MPI: variants seen among roughly 807,000 people sequenced by gnomAD.
The protein encoded by MPI is mannose phosphate isomerase, also known as mannose-6-phosphate isomerase.
A neutral mutation model predicts 40.1 loss-of-function variants in MPI; 33 were observed. The observed-to-expected ratio is 0.82, with a 90% CI of 0.62 to 1.10. The LOEUF (loss-of-function observed/expected upper bound fraction) is 1.10, where lower values mean the gene tolerates loss of function less well. MPI is among the 50% of genes least tolerant of loss of function. The pLI is 0.00. For missense variants in MPI, 514 were observed against 524.1 expected, an observed-to-expected ratio of 0.98 and a Z score of 0.19; for synonymous variants, 187 against 207.4, an observed-to-expected ratio of 0.90 and a Z score of 0.85.
rs2064742225 is a variant in MPI, at chr15:74,892,532, C to T, written c.346-129C>T. On this transcript the variant is annotated intron_variant, in intron 3 of 7. Coordinates refer to ENST00000352410, the MANE Select transcript of MPI (RefSeq NM_002435.3). ...CAACATGCTTTGACTGGGCTCCTTG[C>T]CAGAGGTAGGTAGTCACTGCCATCC... is the stretch of plus-strand genomic sequence containing the variant. 7.3e-6 allele frequency: 10 copies of T among 1,364,054 alleles called. No homozygotes were observed. In the South Asian group the frequency reaches 9.7e-5, roughly 13 times the overall value. 84.5% of individuals were successfully genotyped at this position (1,364,054 alleles called of 1,614,324 possible).
At chr15:74,891,672 T>C (rs2064729476) in intron 3 of MPI, 93 bp downstream of exon 3, 2 of 1,422,276 alleles carry the variant, frequency 1.4e-6, no homozygotes, top group South Asian at 2.3e-5. Context: ...ACCCCACCCA[T>C]GCCAGGCTCC....
In MPI at chr15:74,901,287, A is replaced by T. The variant is rs1010377577; in HGVS notation, c.*3557A>T. 4 of 152,414 alleles carry T rather than the reference A, an allele frequency of 2.6e-5. No homozygotes were observed. The highest frequency in any genetic ancestry group is 9.7e-5 in the African/African-American group (4 of 41,442). 9.4% of individuals were successfully genotyped at this position (152,414 alleles called of 1,614,324 possible). ...TCCAACAAAACAAAGCAGAACGCTC[A>T]CCATGGTTCTGAGTTAAGCCAAAAA... On this transcript the variant is annotated 3_prime_UTR_variant, in exon 8 of 8. Coordinates refer to ENST00000352410, the MANE Select transcript of MPI (RefSeq NM_002435.3).
At chr15:74,895,561 CCAGCCTG>C in intron 5 of MPI, 1 of 158,092 alleles carries the variant, frequency 6.3e-6, no homozygotes, top group Admixed American at 6.1e-5. Context: ...CCACTGCACT[CCAGCCTG>C]GGTGACAGCG....
intron 3 of MPI, 110 bp from the exon 4 acceptor site, chr15:74,892,551 G>T: frequency 6.7e-7 from 1 of 1,491,062 alleles, no homozygotes; most frequent in Non-Finnish European, 9.2e-7. Context: ...GGTAGTCACT[G>T]CCATCCTGCA....
Position 74,896,222 on chromosome 15 carries a change from T to A in MPI, c.741T>A (p.Gly247=), listed in dbSNP as rs753613967. The A allele has an allele frequency of 3.1e-6, 5 of 1,614,174 alleles. No homozygotes were observed. The South Asian group carries it at 5.5e-5, about 18-fold the overall frequency. Reference sequence around the variant, plus strand: ...TACAGCTGCACCAGCAGTACCCAGGTGATATCGGCTGCTTTGCCATCTACT... The same window carrying A: ...TACAGCTGCACCAGCAGTACCCAGGAGATATCGGCTGCTTTGCCATCTACT... ...LLLQLHQQYP[G]DIGCFAIYFL... is the part of the protein sequence containing the mutation. The change falls in exon 6 of 8, where the codon GGT becomes GGA. Residue 247 remains glycine, a synonymous_variant. Coordinates refer to ENST00000352410, the MANE Select transcript of MPI (RefSeq NM_002435.3).
At chr15:74,892,400 G>C (rs2064740131) in intron 3 of MPI, among the ~76,000 whole-genome samples, 5 of 152,232 alleles carry the variant, frequency 3.3e-5, no homozygotes, top group Admixed American at 3.3e-4. Flanking sequence ...TGGGTTTCCT[G>C]ATTCACAGGC....
At chr15:74,890,752 A>C in intron 2 of MPI, 98 bp downstream of exon 2, 4 of 1,558,066 alleles carry the variant, frequency 2.6e-6, no homozygotes, top group Non-Finnish European at 3.5e-6. Flanking sequence ...TGAGGCAGCA[A>C]GGAGGGAGGA....
rs140357682 is a variant in MPI at position 74,890,060 on chromosome 15, T to G, written c.-14T>G. 1.9e-6 allele frequency: 3 copies of G among 1,606,426 alleles called. No individual in the cohort carries two copies. The African/African-American group carries it at 4.0e-5, about 21-fold the overall frequency. The stretch of plus-strand genomic sequence containing the variant: ...GAAAGGCATACGTGCTTAATCCTGG[T>G]GCAGGGGGCGAGCATGGCCGCTCCG... On this transcript the variant is annotated 5_prime_UTR_variant, in exon 1 of 8. Transcript: ENST00000352410.
At chr15:74,894,517 C>T (rs2064787751) in intron 5 of MPI, among the ~76,000 whole-genome samples, 1 of 151,754 alleles carries the variant, frequency 6.6e-6, no homozygotes, top group Admixed American at 6.6e-5. Flanking sequence ...TGGTGGAACC[C>T]CATCTCTACT....
intron 5 of MPI, 51 bp downstream of exon 5, chr15:74,893,371 C>T: frequency 6.3e-7 from 1 of 1,592,156 alleles, no homozygotes; most frequent in Non-Finnish European, 8.6e-7. Flanking sequence ...CCTGGGCTTC[C>T]CAGCAGACAC....
intron 5 of MPI, chr15:74,893,686 C>T (rs1027612458): frequency 1.1e-5 from 6 of 570,830 alleles, no homozygotes; most frequent in Admixed American, 9.1e-5. Context: ...GAGCATCCTC[C>T]CTCTCCTGGA....
chr15:74,897,799 C>T lies in MPI; in HGVS notation c.*69C>T, dbSNP rs2064845066. On this transcript the variant is annotated 3_prime_UTR_variant, in exon 8 of 8. Coordinates refer to ENST00000352410, the MANE Select transcript of MPI (RefSeq NM_002435.3). The stretch of plus-strand genomic sequence containing the variant: ...TCCAGCCAACCTCACCTCCTCGGGC[C>T]CAGCTCAAGCCCCCTTCCTTGCTCT... 2.3e-5 allele frequency: 34 copies of T among 1,447,048 alleles called. 1 individual carries two copies. In the South Asian group the frequency reaches 3.8e-4, roughly 16 times the overall value. 89.6% of individuals were successfully genotyped at this position (1,447,048 alleles called of 1,614,324 possible).
At chr15:74,893,062 T>G in intron 4 of MPI, 76 bp from the exon 5 acceptor site, 2 of 1,577,744 alleles carry the variant, frequency 1.3e-6, no homozygotes, top group South Asian at 2.2e-5. Flanking sequence ...GATGGAAAGG[T>G]GTCCTCCAAC....
Position 74,896,348 on chromosome 15 carries a change from G to C in MPI, c.844+23G>C, listed in dbSNP as rs897963593. The C allele has an allele frequency of 2.5e-6, 4 of 1,613,552 alleles. No individual in the cohort carries two copies. The African/African-American group carries it at 5.3e-5, about 22-fold the overall frequency. Reference sequence around the variant, plus strand: ...GAGGTGAGCCACATTTCAGCAGTGAGCCCCACTGCCATCCCTGCTGGGCCC... The same window carrying C: ...GAGGTGAGCCACATTTCAGCAGTGACCCCCACTGCCATCCCTGCTGGGCCC... On this transcript the variant is annotated intron_variant, in intron 6 of 7. Coordinates refer to ENST00000352410, the MANE Select transcript of MPI (RefSeq NM_002435.3).
At chr15:74,890,911 TAA>T (rs1255458400) in intron 2 of MPI, 13 of 639,250 alleles carry the variant, frequency 2.0e-5, no homozygotes, top group Non-Finnish European at 3.7e-5. Context: ...CTTTGACAAT[TAA>T]GTTTTTTTAC....
chr15:74,893,389 TG>T (rs1427429025), intron 5 of MPI, 69 bp downstream of exon 5: 1 of 1,568,790 alleles, frequency 6.4e-7, no homozygotes, highest in Non-Finnish European at 8.8e-7. Context: ...CACCAGACTC[TG>T]GGGACAGTTC....
At position 74,892,747 on chromosome 15, in the gene MPI, C is replaced by A. The variant is rs145767808; in HGVS notation, c.432C>A (p.Pro144=). The change falls in exon 4 of 8, where the codon CCC becomes CCA. Residue 144 remains proline (P), a synonymous_variant. Transcript: ENST00000352410. The part of the protein sequence containing the change: ...HKPEMAIALT[P]FQGLCGFRPV... Reference sequence around the variant, plus strand: ...CAGAGATGGCCATTGCCCTCACCCCCTTCCAGGGCTTGTGTGGCTTCCGGC... The same window carrying A: ...CAGAGATGGCCATTGCCCTCACCCCATTCCAGGGCTTGTGTGGCTTCCGGC... The A allele has an allele frequency of 6.2e-7, 1 of 1,614,296 alleles. No individual in the cohort carries two copies. The highest frequency in any genetic ancestry group is 2.2e-5 in the East Asian group (1 of 44,892).
In MPI at chr15:74,895,804, G is replaced by T. The variant is rs187831600; in HGVS notation, c.671-348G>T. 3 of 327,706 alleles carry T rather than the reference G, an allele frequency of 9.2e-6. No individual in the cohort carries two copies. In the Admixed American group the frequency reaches 1.3e-4, roughly 14 times the overall value. The allele number at this position is 327,706 out of a possible 1,614,324, so 20.3% of individuals were successfully genotyped here. ...CAGGGAAGCTGCTACACATCCATCAGTACACAGGACAGCCCCCACAATAAA... is the reference window on the plus strand; with the variant it reads ...CAGGGAAGCTGCTACACATCCATCATTACACAGGACAGCCCCCACAATAAA... On this transcript the variant is annotated intron_variant, in intron 5 of 7. Transcript: ENST00000352410.
intron 1 of MPI, 192 bp downstream of exon 1, chr15:74,890,281 G>T (rs192295788): frequency 1.2e-4 from 113 of 917,978 alleles, no homozygotes; most frequent in Non-Finnish European, 1.7e-4. Context: ...ACGTCGTGCC[G>T]TGGGATAGGT....
Sources: gnomAD v4.1 joint callset for allele counts (sites outside exome capture counted in the v4.1 genomes callset) on GRCh38, gnomAD v4.1.1 for gene constraint, MANE v1.5 for transcripts, NCBI Gene and HGNC (gene_info 2026-07-23, HGNC 2026-07-21) for gene names.